Variants in VPS53 observed in about 807,000 individuals in gnomAD.
VPS53 encodes the protein VPS53 subunit of GARP complex, also known as vacuolar protein sorting-associated protein 53 homolog.
A neutral mutation model predicts 107.0 loss-of-function variants in VPS53; 70 were observed. The observed-to-expected ratio is 0.65, with a 90% confidence interval of 0.54 to 0.80. The LOEUF (loss-of-function observed/expected upper bound fraction) is 0.80, where lower values mean the gene tolerates loss of function less well. Ranked by LOEUF, VPS53 falls within the 30% of genes least tolerant of loss-of-function variation. The probability of loss-of-function intolerance (pLI) is 0.00; values close to 1 mark genes in which losing one functional copy is unlikely to be tolerated. For missense variants in VPS53, 917 were observed against 1,049.4 expected (o/e 0.87, Z 1.74); for synonymous variants, 409 against 393.3 (o/e 1.04, Z -0.47).
In VPS53 at chr17:652,272, G is replaced by A. The variant is rs539044346; in HGVS notation, c.608+1019C>T. Among the ~76,000 whole-genome samples, 3 of 152,178 alleles carry A rather than the reference G, an allele frequency of 2.0e-5. No individual in the cohort carries two copies. In the South Asian group the frequency reaches 6.2e-4, roughly 32 times the overall value. On this transcript the variant is annotated intron_variant, in intron 7 of 21. Coordinates refer to ENST00000437048, the MANE Select transcript of VPS53 (RefSeq NM_001128159.3). ...GGCCTCCCAAAGTGCTGGGATTACA[G>A]GTGTGAGCCACCATACCCGGCCGTG...
Position 551,927 on chromosome 17 carries a change from A to T in VPS53, c.1811T>A (p.Leu604Gln). 10 of 1,603,486 alleles carry T rather than the reference A, an allele frequency of 6.2e-6. No individual in the cohort carries two copies. The highest frequency in any genetic ancestry group is 8.5e-6 in the Non-Finnish European group (10 of 1,174,736). Residue 604 changes from leucine (L) to glutamine (Q), a missense_variant, in exon 17 of 22, where the codon CTG becomes CAG. Transcript: ENST00000437048. ...GGCAGCATCCAGATCCTGAACCAGCAGCTGAATACTGCTGGAGATGACGCT... is the reference window on the plus strand; with the variant it reads ...GGCAGCATCCAGATCCTGAACCAGCTGCTGAATACTGCTGGAGATGACGCT... ...FSTVISSSIQ[L>Q]LVQDLDAACD...
At chr17:589,068 G>A (rs1015346736) in intron 12 of VPS53, among the ~76,000 whole-genome samples, 2 of 151,714 alleles carry the variant, frequency 1.3e-5, no homozygotes, top group African/African-American at 4.8e-5. Context: ...ATAATGATAA[G>A]TATTATAGCT....
chr17:688,451 G>A (rs2143840164), intron 4 of VPS53, among the ~76,000 whole-genome samples: 1 of 152,288 alleles, frequency 6.6e-6, no homozygotes, highest in African/African-American at 2.4e-5. Flanking sequence ...CCCCGTCTAA[G>A]GTATTTCTTC....
chr17:678,928 C>G (rs1010353502), intron 4 of VPS53, among the ~76,000 whole-genome samples: 1 of 174 alleles, frequency 5.7e-3, no homozygotes, highest in East Asian at 0.17. Context: ...CGTGAGCCAC[C>G]GCGCCCCCGC....
intron 13 of VPS53, among the ~76,000 whole-genome samples, chr17:571,523 T>TCCCTACGGTCTCCCTCTCCCC (rs1914066473): frequency 4.3e-5 from 4 of 92,114 alleles, no homozygotes; most frequent in Non-Finnish European, 8.0e-5. Context: ...TCCCTCTCCC[T>TCCCTACGGTCTCCCTCTCCCC]CTCCCTACGG....
intron 1 of VPS53, 85 bp downstream of exon 1, chr17:714,538 C>T (rs1017561606): frequency 1.5e-6 from 2 of 1,369,360 alleles, no homozygotes; most frequent in African/African-American, 1.5e-5. Context: ...GCCCTCCGTC[C>T]ACCCGCCGCG....
Position 563,059 on chromosome 17 carries a change from G to A in VPS53, c.1314-314C>T, listed in dbSNP as rs184517556. Among the ~76,000 whole-genome samples, 232 of 152,158 alleles carry A rather than the reference G, an allele frequency of 1.5e-3. 1 individual carries two copies. The highest frequency in any genetic ancestry group is 4.1e-3 in the African/African-American group (172 of 41,514). ...AGCAAGATAGGGTATTACTGGTCCCGCTAAAAGATGAGAAAATTAAGTCCT... is the reference window on the plus strand; with the variant it reads ...AGCAAGATAGGGTATTACTGGTCCCACTAAAAGATGAGAAAATTAAGTCCT... On this transcript the variant is annotated intron_variant, in intron 13 of 21. Transcript: ENST00000437048.
chr17:667,148 T>G (rs8069369), intron 4 of VPS53, among the ~76,000 whole-genome samples: 14,625 of 152,130 alleles, frequency 0.096, 806 homozygotes, highest in East Asian at 0.21. Flanking sequence ...TCATTAATAA[T>G]ACTTAAACCA....
intron 4 of VPS53, among the ~76,000 whole-genome samples, chr17:670,857 G>T (rs1460529711): frequency 1.3e-5 from 2 of 152,166 alleles, no homozygotes; most frequent in Admixed American, 1.3e-4. Flanking sequence ...GAGAAAATTA[G>T]ATTTTTCCAC....
intron 19 of VPS53, among the ~76,000 whole-genome samples, chr17:530,247 A>G (rs1490907601): frequency 6.8e-6 from 1 of 147,916 alleles, no homozygotes; most frequent in Non-Finnish European, 1.5e-5. Context: ...CAGTTCTCCC[A>G]GGTTCAAGCA....
intron 18 of VPS53, among the ~76,000 whole-genome samples, chr17:534,076 G>C (rs906244533): frequency 2.6e-5 from 4 of 152,218 alleles, no homozygotes; most frequent in Admixed American, 6.5e-5. Flanking sequence ...CTGGCCTCAA[G>C]TGATCCTCTT....
At chr17:700,218 G>A (rs774894348) in intron 2 of VPS53, among the ~76,000 whole-genome samples, 2 of 152,118 alleles carry the variant, frequency 1.3e-5, no homozygotes, top group African/African-American at 2.4e-5. Flanking sequence ...TATCAACTAC[G>A]TATTGCAATA....
chr17:649,003 T>TG (rs68142254), intron 7 of VPS53, among the ~76,000 whole-genome samples: 15,648 of 16,236 alleles, frequency 0.96, 7,643 homozygotes, highest in Middle Eastern at 1. Context: ...GACAGAGGAA[T>TG]GAACAGGCAA....
intron 13 of VPS53, among the ~76,000 whole-genome samples, chr17:576,138 A>G (rs566426748): frequency 9.3e-5 from 14 of 151,186 alleles, no homozygotes; most frequent in Non-Finnish European, 2.1e-4. Context: ...CTCAGAACCT[A>G]ATGAGTTTCC....
intron 11 of VPS53, among the ~76,000 whole-genome samples, chr17:607,443 T>TA (rs1968638519): frequency 2.0e-5 from 3 of 152,214 alleles, no homozygotes; most frequent in Non-Finnish European, 4.4e-5. Flanking sequence ...TCCCGCTAGT[T>TA]AGAGGGCTAC....
At chr17:669,313 G>A (rs1208831834) in intron 4 of VPS53, among the ~76,000 whole-genome samples, 8 of 151,840 alleles carry the variant, frequency 5.3e-5, no homozygotes, top group African/African-American at 7.3e-5. Flanking sequence ...GTGGTTGGCC[G>A]GGGGGGCAGT....
intron 7 of VPS53, among the ~76,000 whole-genome samples, chr17:633,921 GC>G (rs534131250): frequency 1.3e-5 from 2 of 152,218 alleles, no homozygotes; most frequent in Middle Eastern, 6.8e-3. Flanking sequence ...AGAGGCTCAG[GC>G]CCCCCCTGTT....
chr17:689,889 A>G (rs1469973518), intron 4 of VPS53, among the ~76,000 whole-genome samples: 4 of 152,194 alleles, frequency 2.6e-5, no homozygotes, highest in Non-Finnish European at 5.9e-5. Context: ...AATCTTTATG[A>G]TATCTCTATG....
intron 4 of VPS53, among the ~76,000 whole-genome samples, chr17:683,041 C>A (rs1317573973): frequency 1.3e-5 from 2 of 152,074 alleles, no homozygotes; most frequent in Non-Finnish European, 2.9e-5. Context: ...TCAACAGCCT[C>A]ATCACACTCG....
Sources: gnomAD v4.1 joint callset for allele counts (sites outside exome capture counted in the v4.1 genomes callset) on GRCh38, gnomAD v4.1.1 for gene constraint, MANE v1.5 for transcripts, NCBI Gene and HGNC (gene_info 2026-07-23, HGNC 2026-07-21) for gene names.